NCAM2: variants seen among roughly 807,000 people sequenced by gnomAD.
NCAM2 encodes the protein N-CAM-2.
NCAM2 carries 30 observed loss-of-function variants against 98.1 expected under a neutral mutation model. The ratio of observed to expected loss-of-function variants is 0.31; its 90% CI spans 0.23 to 0.41. The LOEUF (loss-of-function observed/expected upper bound fraction) is 0.41, where lower values mean the gene tolerates loss of function less well. NCAM2 is among the 10% of genes least tolerant of loss of function. The probability of loss-of-function intolerance (pLI) is 1.00; values close to 1 mark genes in which losing one functional copy is unlikely to be tolerated. For synonymous variants in NCAM2, 368 were observed against 342.4 expected (o/e 1.07, Z -0.83); for missense variants, 867 against 1,005.8 (o/e 0.86, Z 1.87).
At position 21,509,122 on chromosome 21, in the gene NCAM2, C is replaced by A. The variant is rs1006781947; in HGVS notation, c.2282+67C>A. On this transcript the variant is annotated intron_variant, in intron 16 of 17. Transcript: ENST00000400546. Reference sequence around the variant, plus strand: ...CCACAGTCAAGCTCGAGTGCTTTACCTGAGGGCGTTGTAGGGTAAAGGAGT... The same window carrying A: ...CCACAGTCAAGCTCGAGTGCTTTACATGAGGGCGTTGTAGGGTAAAGGAGT... 2.4e-5 allele frequency: 37 copies of A among 1,514,190 alleles called. No individual in the cohort carries two copies. In the South Asian group the frequency reaches 4.0e-4, roughly 16 times the overall value. 93.8% of individuals were successfully genotyped at this position (1,514,190 alleles called of 1,614,324 possible). A position where few individuals can be genotyped will look rare whatever the true frequency, so the allele number is the denominator to read the frequency against.
At chr21:21,318,258 A>G (rs2074276270) in intron 5 of NCAM2, among the ~76,000 whole-genome samples, 1 of 152,226 alleles carries the variant, frequency 6.6e-6, no homozygotes, top group South Asian at 2.1e-4. Context: ...CAAGAATTAA[A>G]GGAACATTCA....
chr21:21,409,351 G>A (rs2145908389), intron 9 of NCAM2, among the ~76,000 whole-genome samples: 1 of 152,108 alleles, frequency 6.6e-6, no homozygotes, highest in African/African-American at 2.4e-5. Context: ...AAAATTGATA[G>A]GGAATCGTAA....
At chr21:21,206,319 GA>G (rs763014149) in intron 1 of NCAM2, among the ~76,000 whole-genome samples, 2 of 152,086 alleles carry the variant, frequency 1.3e-5, no homozygotes, top group Non-Finnish European at 2.9e-5. Flanking sequence ...GAAAGCTCTT[GA>G]AAACTTCTGT....
intron 1 of NCAM2, among the ~76,000 whole-genome samples, chr21:21,209,362 T>C (rs2069560194): frequency 6.6e-6 from 1 of 152,212 alleles, no homozygotes. Context: ...ACTATAGATG[T>C]ACAACACAAT....
In NCAM2 at chr21:21,332,701, C is replaced by G. The variant is rs114219698; in HGVS notation, c.738-2804C>G. Among the ~76,000 whole-genome samples, 253 of 152,216 alleles carry G rather than the reference C, an allele frequency of 1.7e-3. 2 individuals are homozygous for G. The highest frequency in any genetic ancestry group is 6.0e-3 in the African/African-American group (248 of 41,532). On this transcript the variant is annotated intron_variant, in intron 6 of 17. Transcript: ENST00000400546. ...GCACCTTCTGTCGCTTTGACCTCCC[C>G]CAACTGCACACTCTGTCTTCCAACC...
chr21:21,214,675 T>C (rs374681641), intron 1 of NCAM2, among the ~76,000 whole-genome samples: 1 of 144,758 alleles, frequency 6.9e-6, no homozygotes, highest in East Asian at 2.0e-4. Context: ...GTTTTGACTA[T>C]GTGCTAGACA....
At chr21:21,082,117 A>G (rs2065815237) in intron 1 of NCAM2, among the ~76,000 whole-genome samples, 1 of 149,722 alleles carries the variant, frequency 6.7e-6, no homozygotes, top group Non-Finnish European at 1.5e-5. Flanking sequence ...AGTCCCAACT[A>G]CTCGGGAGGC....
chr21:21,272,503 C>CGCGT (rs1375324199), intron 1 of NCAM2, among the ~76,000 whole-genome samples: 5 of 55,864 alleles, frequency 9.0e-5, no homozygotes, highest in Admixed American at 1.9e-4. Context: ...CACATGCGCG[C>CGCGT]GCGCGCACAC....
intron 9 of NCAM2, among the ~76,000 whole-genome samples, chr21:21,384,043 A>G (rs2148108434): frequency 6.6e-6 from 1 of 152,152 alleles, no homozygotes; most frequent in African/African-American, 2.4e-5. Context: ...AACTATCTTC[A>G]TGAAAACTGT....
At chr21:21,436,855 G>A (rs371820249) in intron 12 of NCAM2, among the ~76,000 whole-genome samples, 16 of 151,368 alleles carry the variant, frequency 1.1e-4, no homozygotes, top group East Asian at 3.9e-4. Flanking sequence ...TCCGCCTGCC[G>A]GGTTCAAGCG....
At chr21:21,182,172 A>T (rs1240724444) in intron 1 of NCAM2, among the ~76,000 whole-genome samples, 2 of 152,226 alleles carry the variant, frequency 1.3e-5, no homozygotes, top group African/African-American at 2.4e-5. Flanking sequence ...TTCAGCATTA[A>T]AATTAATGAA....
chr21:21,008,575 A>C (rs2146126639), intron 1 of NCAM2, among the ~76,000 whole-genome samples: 1 of 152,272 alleles, frequency 6.6e-6, no homozygotes, highest in South Asian at 2.1e-4. Context: ...GCCAGACTTG[A>C]TATAAATATT....
chr21:21,200,585 C>T (rs2069177133), intron 1 of NCAM2, among the ~76,000 whole-genome samples: 1 of 151,888 alleles, frequency 6.6e-6, no homozygotes, highest in African/African-American at 2.4e-5. Context: ...AACATAAAAA[C>T]ATAAAATCAG....
chr21:21,450,809 C>CGTATGTATGT lies in NCAM2; in HGVS notation c.1655-15797_1655-15796insGTATGTATGT, dbSNP rs879553453. On this transcript the variant is annotated intron_variant, in intron 12 of 17. Coordinates refer to ENST00000400546, the MANE Select transcript of NCAM2 (RefSeq NM_004540.5). ...ATGTATGTATACACACACACACACA[C>CGTATGTATGT]ACACACACACACACACACACACACA... Among the ~76,000 whole-genome samples the CGTATGTATGT allele has an allele frequency of 2.6e-3, 398 of 151,116 alleles. 2 individuals carry two copies. Among genetic ancestry groups the CGTATGTATGT allele is most frequent in the African/African-American group, 8.6e-3 (351 of 41,046 alleles).
intron 1 of NCAM2, among the ~76,000 whole-genome samples, chr21:21,181,107 G>A (rs571312444): frequency 5.7e-4 from 87 of 152,208 alleles, no homozygotes; most frequent in African/African-American, 2.1e-3. Flanking sequence ...AAAAGGGCTT[G>A]CTTCGATTAC....
intron 1 of NCAM2, among the ~76,000 whole-genome samples, chr21:21,092,095 T>C (rs1365014282): frequency 1.3e-5 from 2 of 152,096 alleles, no homozygotes; most frequent in East Asian, 1.9e-4. Flanking sequence ...GGATAGACCT[T>C]GTACAAAGTT....
At chr21:21,326,218 C>A (rs2074507601) in intron 6 of NCAM2, among the ~76,000 whole-genome samples, 1 of 152,082 alleles carries the variant, frequency 6.6e-6, no homozygotes, top group Non-Finnish European at 1.5e-5. Flanking sequence ...AAATATGACA[C>A]CAGGTTTAAG....
chr21:21,276,976 TCAA>T (rs992801723), intron 1 of NCAM2, among the ~76,000 whole-genome samples: 1 of 152,060 alleles, frequency 6.6e-6, no homozygotes, highest in African/African-American at 2.4e-5. Flanking sequence ...TGAATTAAGA[TCAA>T]CAAATCAGTA....
chr21:21,007,924 C>T (rs953290324), intron 1 of NCAM2, among the ~76,000 whole-genome samples: 4 of 152,114 alleles, frequency 2.6e-5, no homozygotes, highest in African/African-American at 9.7e-5. Flanking sequence ...ATTCAGACGC[C>T]TCTGACGTTT....
Sources: allele counts gnomAD v4.1 joint callset (sites outside exome capture counted in the v4.1 genomes callset), GRCh38; gene constraint gnomAD v4.1.1; transcripts MANE v1.5; gene names NCBI Gene and HGNC (gene_info 2026-07-23, HGNC 2026-07-21).